Variants in BCAS3 observed in about 807,000 individuals in gnomAD.
BCAS3 encodes the protein BCAS4/BCAS3 fusion.
A neutral mutation model predicts 116.1 loss-of-function variants in BCAS3; 53 were observed. The ratio of observed to expected loss-of-function variants is 0.46; its 90% CI spans 0.37 to 0.57. The LOEUF is 0.57. Ranked by LOEUF, BCAS3 falls within the 20% of genes least tolerant of loss-of-function variation. The pLI is 0.00. For synonymous variants in BCAS3, 391 were observed against 408.2 expected (o/e 0.96, Z 0.51); for missense variants, 917 against 1,165.4 (o/e 0.79, Z 3.10).
At chr17:61,260,408 T>C (rs1478950916) in intron 22 of BCAS3, among the ~76,000 whole-genome samples, 2 of 152,234 alleles carry the variant, frequency 1.3e-5, no homozygotes, top group African/African-American at 2.4e-5. Context: ...ACAAGGTCTA[T>C]AGAAAATGAG....
intron 22 of BCAS3, among the ~76,000 whole-genome samples, chr17:61,232,030 C>A (rs1477182551): frequency 1.3e-5 from 2 of 150,824 alleles, no homozygotes; most frequent in African/African-American, 4.9e-5. Flanking sequence ...TACGGTGAAA[C>A]CCCGTCTGTA....
Position 61,098,760 on chromosome 17 carries a change from T to C in BCAS3, c.2425+14196T>C, listed in dbSNP as rs1044216137. The stretch of plus-strand genomic sequence containing the variant: ...GGATTTCTTTGCCAAATGAAAACGG[T>C]AAAAGTGGAAGCATGAAACACCTTA... On this transcript the variant is annotated intron_variant, in intron 22 of 23. Transcript: ENST00000407086. The surrounding 1 kb of genome is among the most constrained non-coding windows in gnomAD (Gnocchi z 4.2). Among the ~76,000 whole-genome samples, 4 of 152,112 alleles carry C rather than the reference T, an allele frequency of 2.6e-5. No homozygotes were observed. Among genetic ancestry groups the C allele is most frequent in the Non-Finnish European group, 5.9e-5 (4 of 68,024 alleles).
chr17:61,153,107 T>C (rs1433361076), intron 22 of BCAS3, among the ~76,000 whole-genome samples: 2 of 152,206 alleles, frequency 1.3e-5, no homozygotes, highest in Non-Finnish European at 2.9e-5. Flanking sequence ...CTTCTGTAAA[T>C]AAGAGAAGTG....
chr17:60,934,718 A>G (rs2059828168), intron 13 of BCAS3, among the ~76,000 whole-genome samples: 1 of 152,188 alleles, frequency 6.6e-6, no homozygotes, highest in Non-Finnish European at 1.5e-5. Flanking sequence ...TTTTTTGAAC[A>G]TTGCTCTAAA....
rs2063798718 is a variant in BCAS3, at chr17:60,995,740, G to T, written c.1486+5505G>T. On this transcript the variant is annotated intron_variant, in intron 15 of 23. Coordinates refer to ENST00000407086, the MANE Select transcript of BCAS3 (RefSeq NM_017679.5). The surrounding 1 kb of genome is among the most constrained non-coding windows in gnomAD (Gnocchi z 4.7). ...CTTAAAAAAACATCTCCAAGGTGTA[G>T]TCATTTGATCAACAACATTAATTAG... Among the ~76,000 whole-genome samples the T allele has an allele frequency of 6.6e-6, 1 of 152,168 alleles. No individual in the cohort carries two copies. The highest frequency in any genetic ancestry group is 2.4e-5 in the African/African-American group (1 of 41,434).
rs1172997458 is a variant in BCAS3, at chr17:61,251,494, C to T, written c.2426-116833C>T. On this transcript the variant is annotated intron_variant, in intron 22 of 23. Transcript: ENST00000407086. This position sits in a 1 kb window ranked among gnomAD's most constrained non-coding sequence, Gnocchi z 4.7. Reference sequence around the variant, plus strand: ...CTGAGGCAGGAGAATCACTTGAACGCGGGATGCAGAGGTTGCAGTGAGCCG... The same window carrying T: ...CTGAGGCAGGAGAATCACTTGAACGTGGGATGCAGAGGTTGCAGTGAGCCG... Among the ~76,000 whole-genome samples, 2 of 151,562 alleles carry T rather than the reference C, an allele frequency of 1.3e-5. No homozygotes were observed. Among genetic ancestry groups the T allele is most frequent in the African/African-American group, 4.9e-5 (2 of 41,234 alleles).
intron 7 of BCAS3, among the ~76,000 whole-genome samples, chr17:60,836,276 G>C (rs948427170): frequency 1.3e-5 from 2 of 152,096 alleles, no homozygotes; most frequent in African/African-American, 4.8e-5. Context: ...GTATCAGACA[G>C]AGTGATTAAA....
In BCAS3 at chr17:61,040,837, C is replaced by T; in HGVS notation, c.1974C>T (p.His658=). The T allele has an allele frequency of 6.2e-7, 1 of 1,614,128 alleles. No individual in the cohort carries two copies. The stretch of plus-strand genomic sequence containing the variant: ...TGCAGCCACCGTTTAATGCAAACCA[C>T]CCTCTGCTCCTCGCTGCAGATGCAG... ...NELQPPFNAN[H]PLLLAADAVQ... Residue 658 remains histidine, a synonymous_variant, in exon 19 of 24, where the codon CAC becomes CAT. Coordinates refer to ENST00000407086, the MANE Select transcript of BCAS3 (RefSeq NM_017679.5).
intron 5 of BCAS3, among the ~76,000 whole-genome samples, chr17:60,733,906 T>C (rs966432568): frequency 2.7e-5 from 4 of 150,408 alleles, no homozygotes; most frequent in African/African-American, 1.0e-4. Flanking sequence ...ATATTTTAGA[T>C]AACAGTACTT....
intron 22 of BCAS3, among the ~76,000 whole-genome samples, chr17:61,185,219 A>G (rs1387984165): frequency 6.6e-6 from 1 of 152,136 alleles, no homozygotes; most frequent in Non-Finnish European, 1.5e-5. Context: ...TACCAGGGAC[A>G]TTCAAGATAG....
intron 6 of BCAS3, among the ~76,000 whole-genome samples, chr17:60,804,297 A>G (rs986471311): frequency 5.9e-5 from 9 of 151,422 alleles, no homozygotes; most frequent in Non-Finnish European, 8.8e-5. Context: ...CCTGGCCAAC[A>G]TGGTGAAACC....
rs201954739 is a variant in BCAS3, at chr17:61,171,789, TA to T, written c.2425+87234del. ...GCATGTGCCACCATGCCCTGCTAAT[TA>T]AAAAAAAATTTTTTTTTTTTTTTGT... On this transcript the variant is annotated intron_variant, in intron 22 of 23. Transcript: ENST00000407086. The surrounding 1 kb of genome is among the most constrained non-coding windows in gnomAD (Gnocchi z 4.1). 2.1e-3 allele frequency among the ~76,000 whole-genome samples: 324 copies of T among 151,118 alleles called. 2 individuals carry two copies. Among genetic ancestry groups the T allele is most frequent in the African/African-American group, 7.4e-3 (303 of 40,976 alleles).
Position 61,024,221 on chromosome 17 carries a change from A to G in BCAS3, c.1637+8320A>G, listed in dbSNP as rs1240292441. On this transcript the variant is annotated intron_variant, in intron 16 of 23. Coordinates refer to ENST00000407086, the MANE Select transcript of BCAS3 (RefSeq NM_017679.5). ...AACAGCTGACACTATCCATACAAAG[A>G]CAGTAATTACGTCAGTCACTATAAT... 3.9e-5 allele frequency among the ~76,000 whole-genome samples: 6 copies of G among 152,292 alleles called. No individual in the cohort carries two copies. In the East Asian group the frequency reaches 1.2e-3, roughly 29 times the overall value.
rs35597487 is a variant in BCAS3, at chr17:61,214,368, A to AAAATAAATAAATAAAT, written c.2425+129818_2425+129833dup. ...GGCCACAGAGCAAGACCCTATCTCA[A>AAAATAAATAAATAAAT]AAATAAATAAATAAATAAATAAATA... On this transcript the variant is annotated intron_variant, in intron 22 of 23. Transcript: ENST00000407086. The surrounding 1 kb of genome is among the most constrained non-coding windows in gnomAD (Gnocchi z 4.4). Among the ~76,000 whole-genome samples, 3,044 of 150,138 alleles carry AAAATAAATAAATAAAT rather than the reference A, an allele frequency of 0.02. 108 individuals are homozygous for AAAATAAATAAATAAAT. Among genetic ancestry groups the AAAATAAATAAATAAAT allele is most frequent in the African/African-American group, 0.072 (2,871 of 40,050 alleles).
intron 22 of BCAS3, among the ~76,000 whole-genome samples, chr17:61,318,555 A>G (rs2054931768): frequency 6.6e-6 from 1 of 152,166 alleles, no homozygotes; most frequent in East Asian, 1.9e-4. Context: ...CAAGGGACAC[A>G]CCGCTTAATC....
At chr17:61,044,465 A>AAAAATATATATATATATATATATATAT in intron 19 of BCAS3, among the ~76,000 whole-genome samples, 7 of 120,110 alleles carry the variant, frequency 5.8e-5, no homozygotes, top group African/African-American at 2.5e-4. Context: ...AAAAAAAAAA[A>AAAAATATATATATATATATATATATAT]ATATATATAT....
rs2078177474 is a variant in BCAS3, at chr17:61,161,712, C to T, written c.2425+77148C>T. The stretch of plus-strand genomic sequence containing the variant: ...GCTGGTGGAGGGGAGTAGCCAGCGC[C>T]CCTCCCCTCAGCACACATACCAGCC... On this transcript the variant is annotated intron_variant, in intron 22 of 23. Coordinates refer to ENST00000407086, the MANE Select transcript of BCAS3 (RefSeq NM_017679.5). The surrounding 1 kb of genome is among the most constrained non-coding windows in gnomAD (Gnocchi z 4.8). Among the ~76,000 whole-genome samples the T allele has an allele frequency of 2.0e-5, 3 of 152,034 alleles. No individual in the cohort carries two copies. The South Asian group carries it at 6.2e-4, about 32-fold the overall frequency.
At chr17:61,375,025 C>T (rs1249873733) in intron 23 of BCAS3, among the ~76,000 whole-genome samples, 1 of 152,174 alleles carries the variant, frequency 6.6e-6, no homozygotes. Flanking sequence ...TCAACTAAAG[C>T]TCTTCCAAAG....
At position 61,217,876 on chromosome 17, in the gene BCAS3, A is replaced by G. The variant is rs926214391; in HGVS notation, c.2425+133312A>G. Among the ~76,000 whole-genome samples, 2 of 152,046 alleles carry G rather than the reference A, an allele frequency of 1.3e-5. No individual in the cohort carries two copies. Among genetic ancestry groups the G allele is most frequent in the Non-Finnish European group, 2.9e-5 (2 of 68,002 alleles). On this transcript the variant is annotated intron_variant, in intron 22 of 23. Transcript: ENST00000407086. This position sits in a 1 kb window ranked among gnomAD's most constrained non-coding sequence, Gnocchi z 5.2. ...AAGCGTCGGACTTCTCTGTAACAACAGTCTTGGTGGCTGACTTTGTTGCTC... is the reference window on the plus strand; with the variant it reads ...AAGCGTCGGACTTCTCTGTAACAACGGTCTTGGTGGCTGACTTTGTTGCTC...
Sources: allele counts gnomAD v4.1 joint callset (sites outside exome capture counted in the v4.1 genomes callset), GRCh38; gene constraint gnomAD v4.1.1; non-coding constraint Gnocchi (gnomAD v3.1); transcripts MANE v1.5; gene names NCBI Gene and HGNC (gene_info 2026-07-23, HGNC 2026-07-21).